MTOR: variants seen among roughly 807,000 people sequenced by gnomAD.
MTOR encodes mechanistic target of rapamycin kinase, also known as serine/threonine-protein kinase mTOR.
A neutral mutation model predicts 319.8 loss-of-function variants in MTOR; 70 were observed. The ratio of observed to expected loss-of-function variants is 0.22; its 90% CI spans 0.18 to 0.27. The LOEUF (loss-of-function observed/expected upper bound fraction) is 0.27, where lower values mean the gene tolerates loss of function less well. Ranked by LOEUF, MTOR falls within the 10% of genes least tolerant of loss-of-function variation. The probability of loss-of-function intolerance (pLI) is 1.00; values close to 1 mark genes in which losing one functional copy is unlikely to be tolerated. For missense variants in MTOR, 1,890 were observed against 3,274.4 expected, an observed-to-expected ratio of 0.58 and a Z score of 10.32; for synonymous variants, 1,183 against 1,211.4, an observed-to-expected ratio of 0.98 and a Z score of 0.49.
chr1:11,153,249 GAA>G (rs1444157886), intron 30 of MTOR, among the ~76,000 whole-genome samples: 1 of 152,180 alleles, frequency 6.6e-6, no homozygotes, highest in Admixed American at 6.5e-5. Flanking sequence ...TTCAAAAGTA[GAA>G]AAAGAGGCAG....
At position 11,212,870 on chromosome 1, in the gene MTOR, A is replaced by G. The variant is rs2100794911; in HGVS notation, c.3324T>C (p.Asp1108=). Residue 1108 remains aspartate (D), a synonymous_variant, in exon 22 of 58, where the codon GAT becomes GAC. Transcript: ENST00000361445. The surrounding 1 kb of genome is among the most constrained non-coding windows in gnomAD (Gnocchi z 4.1). ...GAGGCAGCAGTAAATGCAGGTAGTC[A>G]TCCAGGTTGGCGCCAAACAGCTGGA... ...AAIQLFGANL[D]DYLHLLLPPI... 2 of 1,614,160 alleles carry G rather than the reference A, an allele frequency of 1.2e-6. No homozygotes were observed. Among genetic ancestry groups the G allele is most frequent in the Non-Finnish European group, 1.7e-6 (2 of 1,179,996 alleles).
chr1:11,158,724 GA>G (rs373517353), intron 29 of MTOR, among the ~76,000 whole-genome samples: 1,774 of 145,828 alleles, frequency 0.012, 33 homozygotes, highest in African/African-American at 0.041. Flanking sequence ...GGGTGGAAAA[GA>G]AAAAAAAAAG....
intron 12 of MTOR, 40 bp downstream of exon 12, chr1:11,238,362 C>G: frequency 6.2e-7 from 1 of 1,603,600 alleles, no homozygotes; most frequent in African/African-American, 1.3e-5. Flanking sequence ...GTCCTAAGCT[C>G]CTTAACTCCC....
chr1:11,203,738 T>C (rs886909623), intron 26 of MTOR, among the ~76,000 whole-genome samples: 2 of 152,224 alleles, frequency 1.3e-5, no homozygotes, highest in African/African-American at 2.4e-5. Flanking sequence ...TCCTGTCCCA[T>C]ATAGTCTGTT....
Position 11,129,905 on chromosome 1 carries a change from G to A in MTOR, c.5614-67C>T. 7.3e-7 allele frequency: 1 copy of A among 1,378,098 alleles called. No individual in the cohort carries two copies. 85.4% of individuals were successfully genotyped at this position (1,378,098 alleles called of 1,614,324 possible). A position where few individuals can be genotyped will look rare whatever the true frequency, so the allele number is the denominator to read the frequency against. ...TTTCTCATCTGTAAAATGGGCATAAGAGCATACTAACTGTACCTACTTCAA... is the reference window on the plus strand; with the variant it reads ...TTTCTCATCTGTAAAATGGGCATAAAAGCATACTAACTGTACCTACTTCAA... On this transcript the variant is annotated intron_variant, in intron 39 of 57. Coordinates refer to ENST00000361445, the MANE Select transcript of MTOR (RefSeq NM_004958.4). This position sits in a 1 kb window ranked among gnomAD's most constrained non-coding sequence, Gnocchi z 4.7.
At chr1:11,112,381 G>C (rs1184796107) in intron 54 of MTOR, among the ~76,000 whole-genome samples, 1 of 152,182 alleles carries the variant, frequency 6.6e-6, no homozygotes, top group Non-Finnish European at 1.5e-5. Context: ...AAAAATCTCA[G>C]AGCTTCAGGT....
chr1:11,176,532 C>T (rs548371159), intron 28 of MTOR, among the ~76,000 whole-genome samples: 17 of 152,310 alleles, frequency 1.1e-4, no homozygotes, highest in African/African-American at 3.1e-4. Flanking sequence ...CTAGTGCAGA[C>T]CACAGTCTGA....
chr1:11,197,965 T>C (rs756310596), intron 28 of MTOR, among the ~76,000 whole-genome samples: 68 of 152,376 alleles, frequency 4.5e-4, no homozygotes, highest in Non-Finnish European at 8.5e-4. Context: ...CCTCTGACTA[T>C]ATTTTTCTGC....
chr1:11,121,981 G>A lies in MTOR; in HGVS notation c.6808C>T (p.Arg2270Trp), dbSNP rs1266984212. ...GCTCTCGTGGCCGCATCACATACCC[G>A]CAACATGATGCGATGCTCGATGTTG... is the stretch of plus-strand genomic sequence containing the variant. ...LLNIEHRIML[R>W]MAPDYDHLTL... The change falls in exon 48 of 58, where the codon CGG (arginine) becomes TGG (tryptophan). Residue 2270 changes from arginine (R) to tryptophan (W), a missense_variant and splice_region_variant. Coordinates refer to ENST00000361445, the MANE Select transcript of MTOR (RefSeq NM_004958.4). This position sits in a 1 kb window ranked among gnomAD's most constrained non-coding sequence, Gnocchi z 4.9. The A allele has an allele frequency of 1.2e-6, 2 of 1,613,878 alleles. No individual in the cohort carries two copies. Among genetic ancestry groups the A allele is most frequent in the East Asian group, 2.2e-5 (1 of 44,880 alleles).
At chr1:11,147,731 G>T (rs1643984410) in intron 31 of MTOR, among the ~76,000 whole-genome samples, 1 of 152,194 alleles carries the variant, frequency 6.6e-6, no homozygotes, top group Non-Finnish European at 1.5e-5. Context: ...TGGAGGTAGA[G>T]GGTTATGTAA....
At chr1:11,141,555 T>TA (rs1643705419) in intron 34 of MTOR, among the ~76,000 whole-genome samples, 1 of 151,882 alleles carries the variant, frequency 6.6e-6, no homozygotes, top group East Asian at 2.0e-4. Flanking sequence ...TTTTAGTAGA[T>TA]ACGGGGTTTT....
chr1:11,167,371 G>A, intron 29 of MTOR, 71 bp downstream of exon 29: 2 of 1,196,410 alleles, frequency 1.7e-6, no homozygotes, highest in Non-Finnish European at 2.5e-6. Flanking sequence ...GTAACTTTCT[G>A]AAGGTCAGGG....
intron 28 of MTOR, among the ~76,000 whole-genome samples, chr1:11,180,907 G>A (rs1645125684): frequency 6.6e-6 from 1 of 151,862 alleles, no homozygotes; most frequent in South Asian, 2.1e-4. Context: ...CTCCCAAGTA[G>A]CTGGGACTAC....
intron 32 of MTOR, chr1:11,145,246 T>A (rs1643893625): frequency 5.1e-6 from 3 of 585,016 alleles, no homozygotes; most frequent in Non-Finnish European, 9.1e-6. Flanking sequence ...AAGACAGAAA[T>A]GTATGGCATC....
intron 28 of MTOR, among the ~76,000 whole-genome samples, chr1:11,182,885 G>C (rs1193263164): frequency 6.6e-6 from 1 of 152,190 alleles, no homozygotes; most frequent in Non-Finnish European, 1.5e-5. Context: ...CACTTGGATT[G>C]TTTTCAGTGT....
In MTOR at chr1:11,243,205, A is replaced by C. The variant is rs1272681063; in HGVS notation, c.1321T>G (p.Ser441Ala). 6.2e-7 allele frequency: 1 copy of C among 1,614,158 alleles called. No individual in the cohort carries two copies. The highest frequency in any genetic ancestry group is 2.2e-5 in the East Asian group (1 of 44,880). The change falls in exon 9 of 58, where the codon TCT becomes GCT. Residue 441 changes from serine to alanine, a missense_variant. By Grantham distance (99) the Ser-to-Ala change is moderately conservative. This residue lies in a region of MTOR where 418 missense variants were observed against 543.1 expected (regional missense o/e 0.77). Transcript: ENST00000361445. ...TTAAACTCAGACCTCACAGCCACAG[A>C]AAGTAGCCCCAGGGCTTGGAAGGCC... Reference protein sequence around the residue: ...TAAFQALGLLSVAVRSEFKVY... With the variant: ...TAAFQALGLLAVAVRSEFKVY...
In MTOR at chr1:11,209,430, T is replaced by A; in HGVS notation, c.3683A>T (p.Asp1228Val). The A allele has an allele frequency of 6.2e-7, 1 of 1,614,118 alleles. No homozygotes were observed. Among genetic ancestry groups the A allele is most frequent in the Non-Finnish European group, 8.5e-7 (1 of 1,180,018 alleles). ...CATCCGATGCTGGTAAATCAAAGGA[T>A]CCTCCTCTTCATCAGCAAGTGTGTA... ...KGYTLADEEE[D>V]PLIYQHRMLR... The change falls in exon 25 of 58, where the codon GAT (aspartate) becomes GTT (valine). Residue 1228 changes from aspartate (D) to valine (V), a missense_variant. Transcript: ENST00000361445.
In MTOR at chr1:11,107,143, A is replaced by C. The variant is rs1330789181; in HGVS notation, c.*342T>G. 7.2e-7 allele frequency: 1 copy of C among 1,383,970 alleles called. No individual in the cohort carries two copies. The highest frequency in any genetic ancestry group is 3.3e-5 in the East Asian group (1 of 30,212). The allele number at this position is 1,383,970 out of a possible 1,614,324, so 85.7% of individuals were successfully genotyped here. On this transcript the variant is annotated 3_prime_UTR_variant, in exon 58 of 58. Coordinates refer to ENST00000361445, the MANE Select transcript of MTOR (RefSeq NM_004958.4). ...GGAGCAACTAGGTCATTCTTCCATC[A>C]GCAAGTACTTATGATGAGTTCTCTT...
intron 9 of MTOR, 97 bp downstream of exon 9, chr1:11,243,017 T>C (rs906763504): frequency 1.5e-6 from 2 of 1,346,870 alleles, no homozygotes; most frequent in South Asian, 1.3e-5. Flanking sequence ...AGTTTAATGA[T>C]GCAAAAAATG....
Sources: gnomAD v4.1 joint callset for allele counts (sites outside exome capture counted in the v4.1 genomes callset) on GRCh38, gnomAD v4.1.1 for gene constraint, gnomAD v4.1.1 regional missense constraint, Gnocchi (gnomAD v3.1) non-coding constraint, MANE v1.5 for transcripts, NCBI Gene and HGNC (gene_info 2026-07-23, HGNC 2026-07-21) for gene names.